RIGI: variants seen among roughly 807,000 people sequenced by gnomAD.
RIGI encodes the protein RNA sensor RIG-I.
the RIGI span, among the ~76,000 whole-genome samples, chr9:32,520,238 A>G: frequency 5.3e-5 from 8 of 152,102 alleles, no homozygotes; most frequent in African/African-American, 1.9e-4. Context: ...GAATGCTAGC[A>G]GATAAATGCA....
At chr9:32,487,650 A>G in the RIGI span, 1 of 1,609,344 alleles carries the variant, frequency 6.2e-7, no homozygotes, top group African/African-American at 1.3e-5. Context: ...GGAGCATTCA[A>G]AATCATTAGA....
the RIGI span, among the ~76,000 whole-genome samples, chr9:32,491,710 C>A: frequency 2.8e-5 from 2 of 72,282 alleles, no homozygotes; most frequent in African/African-American, 4.9e-5. Flanking sequence ...GATTCGTATG[C>A]ACCAAAAAAA....
chr9:32,486,886 A>G, the RIGI span, among the ~76,000 whole-genome samples: 2 of 152,292 alleles, frequency 1.3e-5, no homozygotes, highest in East Asian at 3.9e-4. Flanking sequence ...TCCCTATTAC[A>G]TGTCTATTTG....
the RIGI span, chr9:32,472,993 T>C: frequency 1.9e-6 from 3 of 1,609,276 alleles, no homozygotes; most frequent in Non-Finnish European, 2.5e-6. Context: ...TGATTTGTTT[T>C]GCCACGTCCA....
chr9:32,478,337 G>C, the RIGI span, among the ~76,000 whole-genome samples: 4 of 152,116 alleles, frequency 2.6e-5, no homozygotes, highest in African/African-American at 9.7e-5. Context: ...GAGCCACCAT[G>C]CCTGGCCAAT....
the RIGI span, chr9:32,481,638 TACAATGGC>T: frequency 1.6e-6 from 1 of 624,772 alleles, no homozygotes. Context: ...CAGGCTGTAG[TACAATGGC>T]ACGATCTTGG....
At chr9:32,509,489 G>T in the RIGI span, among the ~76,000 whole-genome samples, 1 of 152,200 alleles carries the variant, frequency 6.6e-6, no homozygotes, top group African/African-American at 2.4e-5. Context: ...GCAAACTCCA[G>T]CAGACCTGCA....
the RIGI span, among the ~76,000 whole-genome samples, chr9:32,500,097 C>A: frequency 5.1e-4 from 77 of 152,276 alleles, 1 homozygote; most frequent in Non-Finnish European, 1.0e-4. Flanking sequence ...AATGCCAAAA[C>A]CAACATTTCA....
the RIGI span, among the ~76,000 whole-genome samples, chr9:32,515,882 C>T: frequency 1.3e-5 from 2 of 151,994 alleles, no homozygotes; most frequent in Admixed American, 1.3e-4. Context: ...TCCTTGCCCA[C>T]ATATGTGGCA....
At chr9:32,491,926 A>G in the RIGI span, among the ~76,000 whole-genome samples, 1 of 152,182 alleles carries the variant, frequency 6.6e-6, no homozygotes, top group African/African-American at 2.4e-5. Flanking sequence ...CAAGAAACCA[A>G]ATGATAGTTC....
At chr9:32,514,459 G>T in the RIGI span, among the ~76,000 whole-genome samples, 9 of 152,122 alleles carry the variant, frequency 5.9e-5, no homozygotes, top group African/African-American at 1.9e-4. Context: ...ATCATTCTCA[G>T]CAAACTAACA....
the RIGI span, among the ~76,000 whole-genome samples, chr9:32,510,632 C>T: frequency 6.6e-6 from 1 of 152,192 alleles, no homozygotes; most frequent in African/African-American, 2.4e-5. Context: ...ACTGCAAAAA[C>T]ATACCAAATT....
At chr9:32,486,191 C>G in the RIGI span, among the ~76,000 whole-genome samples, 2 of 152,056 alleles carry the variant, frequency 1.3e-5, no homozygotes, top group Non-Finnish European at 2.9e-5. Context: ...GTGGCTCACA[C>G]CTGTAATCCT....
At chr9:32,460,193 T>C in the RIGI span, among the ~76,000 whole-genome samples, 5 of 152,196 alleles carry the variant, frequency 3.3e-5, no homozygotes, top group African/African-American at 9.7e-5. Context: ...CCTCCGTGAT[T>C]CTGAGGCCTC....
chr9:32,461,659 C>T, the RIGI span, among the ~76,000 whole-genome samples: 1 of 152,112 alleles, frequency 6.6e-6, no homozygotes, highest in Non-Finnish European at 1.5e-5. Context: ...ATCACCGTTG[C>T]CTCTTCTCTG....
At chr9:32,492,397 C>G in the RIGI span, 1 of 1,614,122 alleles carries the variant, frequency 6.2e-7, no homozygotes, top group Non-Finnish European at 8.5e-7. Flanking sequence ...TTACCTTTCT[C>G]TACAATCCAC....
At chr9:32,511,145 A>T in the RIGI span, among the ~76,000 whole-genome samples, 2 of 152,168 alleles carry the variant, frequency 1.3e-5, no homozygotes, top group Admixed American at 6.5e-5. Context: ...ATAGTGGGAG[A>T]CTTTAACACC....
At chr9:32,515,217 T>C in the RIGI span, among the ~76,000 whole-genome samples, 9 of 151,026 alleles carry the variant, frequency 6.0e-5, no homozygotes, top group Non-Finnish European at 1.2e-4. Context: ...CTGACCAACA[T>C]GGTGAAACCC....
chr9:32,511,950 C>T, the RIGI span, among the ~76,000 whole-genome samples: 6 of 152,262 alleles, frequency 3.9e-5, no homozygotes, highest in Admixed American at 1.3e-4. Flanking sequence ...ATACTATAAA[C>T]ACCTCTACAC....
Sources: gnomAD v4.1 joint callset for allele counts (sites outside exome capture counted in the v4.1 genomes callset) on GRCh38, gnomAD v4.1.1 for gene constraint, MANE v1.5 for transcripts, NCBI Gene and HGNC (gene_info 2026-07-23, HGNC 2026-07-21) for gene names.